The following KYAT1 variants were observed in gnomAD, a reference collection of about 807,000 sequenced individuals.
The protein encoded by KYAT1 is kynurenine aminotransferase 1.
KYAT1 carries 47 observed loss-of-function variants against 52.4 expected under a neutral mutation model. The observed-to-expected ratio is 0.90, with a 90% CI of 0.71 to 1.14. KYAT1 has a LOEUF of 1.14. KYAT1 is among the 50% of genes most tolerant of loss of function. The pLI, the probability that KYAT1 is intolerant of heterozygous loss-of-function variation, is 0.00. For synonymous variants in KYAT1, 212 were observed against 209.6 expected (o/e 1.01, Z -0.10); for missense variants, 480 against 557.9 (o/e 0.86, Z 1.41).
chr9:128,835,814 G>T lies in KYAT1; in HGVS notation c.820C>A (p.Gln274Lys). The change falls in exon 9 of 13, where the codon CAG (glutamine) becomes AAG (lysine). Residue 274 changes from glutamine to lysine, a missense_variant. By Grantham distance (53) the Gln-to-Lys change is moderately conservative. Coordinates refer to ENST00000302586, the MANE Select transcript of KYAT1 (RefSeq NM_004059.5). Reference sequence around the variant, plus strand: ...GTGGGGCAGTGGAAGACGGAGTTCTGGTGCACGGTCCGCAGGTGCTTCATG... The same window carrying T: ...GTGGGGCAGTGGAAGACGGAGTTCTTGTGCACGGTCCGCAGGTGCTTCATG... Reference protein sequence around the residue: ...HIMKHLRTVHQNSVFHCPTQS... With the variant: ...HIMKHLRTVHKNSVFHCPTQS... 1 of 1,613,828 alleles carries T rather than the reference G, an allele frequency of 6.2e-7. No homozygotes were observed. Among genetic ancestry groups the T allele is most frequent in the East Asian group, 2.2e-5 (1 of 44,864 alleles).
intron 1 of KYAT1, among the ~76,000 whole-genome samples, chr9:128,858,149 C>A (rs1211800991): frequency 6.6e-6 from 1 of 152,062 alleles, no homozygotes; most frequent in Non-Finnish European, 1.5e-5. Context: ...GTAATCCCAG[C>A]ACTTTGGGAG....
At position 128,833,625 on chromosome 9, in the gene KYAT1, C is replaced by T. The variant is rs765888880; in HGVS notation, c.1228G>A (p.Ala410Thr). Reference protein sequence around the residue: ...CFVKDEATLQAMDEKLRKWKV... With the variant: ...CFVKDEATLQTMDEKLRKWKV... ...CACTTCCGCAGCTTCTCGTCCATGG[C>T]CTGGAGCGTGGCTTCATCCTGCGCC... The change falls in exon 13 of 13, where the codon GCC becomes ACC. Residue 410 changes from alanine (A) to threonine (T), a missense_variant. Coordinates refer to ENST00000302586, the MANE Select transcript of KYAT1 (RefSeq NM_004059.5). 1.2e-5 allele frequency: 19 copies of T among 1,614,240 alleles called. No homozygotes were observed. Among genetic ancestry groups the T allele is most frequent in the Non-Finnish European group, 1.6e-5 (19 of 1,180,040 alleles).
chr9:128,842,327 A>G (rs1366949604), intron 3 of KYAT1: 7 of 226,974 alleles, frequency 3.1e-5, no homozygotes, highest in African/African-American at 4.6e-5. Flanking sequence ...ACTTGGTTTA[A>G]GTGTCACCTC....
intron 1 of KYAT1, among the ~76,000 whole-genome samples, chr9:128,868,832 A>G (rs1178197360): frequency 1.4e-5 from 2 of 147,664 alleles, no homozygotes; most frequent in African/African-American, 5.0e-5. Context: ...CAGCCTCCTG[A>G]GTAGCTGGGA....
intron 1 of KYAT1, among the ~76,000 whole-genome samples, chr9:128,867,280 A>C (rs1836532519): frequency 6.6e-6 from 1 of 152,108 alleles, no homozygotes; most frequent in South Asian, 2.1e-4. Context: ...CTGGGGCTCA[A>C]GCCATCCTCC....
intron 1 of KYAT1, among the ~76,000 whole-genome samples, chr9:128,865,340 T>C (rs1177936924): frequency 4.5e-4 from 1 of 2,214 alleles, no homozygotes; most frequent in African/African-American, 8.6e-4. Flanking sequence ...TATATATATA[T>C]ATATATATAT....
chr9:128,838,394 C>T, intron 3 of KYAT1, 27 bp from the exon 4 acceptor site: 2 of 1,613,648 alleles, frequency 1.2e-6, no homozygotes, highest in African/African-American at 2.7e-5. Flanking sequence ...GGTTAACTGT[C>T]CAGCTCAGCC....
At chr9:128,848,685 G>A (rs913156292) in intron 1 of KYAT1, among the ~76,000 whole-genome samples, 1 of 152,010 alleles carries the variant, frequency 6.6e-6, no homozygotes, top group African/African-American at 2.4e-5. Context: ...AGGCATGGTG[G>A]TGTGCACCTG....
rs200134110 is a variant in KYAT1, at chr9:128,875,255, T to TTG, written c.-7+6641_-7+6642insCA. On this transcript the variant is annotated intron_variant, in intron 1 of 12. Coordinates refer to ENST00000302586, the MANE Select transcript of KYAT1 (RefSeq NM_004059.5). ...TTCAATTTGTTTTTTTTTGTTTTTTTTTTTTTTTTGGTTTTTGTTTTTGAG... is the reference window on the plus strand; with the variant it reads ...TTCAATTTGTTTTTTTTTGTTTTTTTTGTTTTTTTTTGGTTTTTGTTTTTGAG... Among the ~76,000 whole-genome samples, 1,063 of 151,432 alleles carry TTG rather than the reference T, an allele frequency of 7.0e-3. 9 individuals are homozygous for TTG. The highest frequency in any genetic ancestry group is 0.018 in the African/African-American group (750 of 41,288).
intron 1 of KYAT1, among the ~76,000 whole-genome samples, chr9:128,879,479 G>C (rs1838506731): frequency 6.6e-6 from 1 of 152,136 alleles, no homozygotes. Context: ...CTACTCTTTG[G>C]AGCTTGGAGA....
At chr9:128,855,301 C>A (rs1834458744) in intron 1 of KYAT1, among the ~76,000 whole-genome samples, 2 of 152,154 alleles carry the variant, frequency 1.3e-5, no homozygotes, top group African/African-American at 4.8e-5. Context: ...AAAGGCTAGA[C>A]CAGGTTTATA....
chr9:128,875,234 ATTTGTTTTTT>A (rs1431819909), intron 1 of KYAT1, among the ~76,000 whole-genome samples: 5 of 128,304 alleles, frequency 3.9e-5, no homozygotes, highest in East Asian at 4.5e-4. Context: ...TTTATGTTCA[ATTTGTTTTTT>A]TTTGTTTTTT....
chr9:128,847,468 C>T (rs1398235228), intron 1 of KYAT1: 2 of 1,535,872 alleles, frequency 1.3e-6, no homozygotes, highest in Admixed American at 3.9e-5. Context: ...GGGGCTCCAG[C>T]CTTCCTTCCC....
chr9:128,846,975 G>A (rs1833201845), intron 1 of KYAT1: 1 of 905,344 alleles, frequency 1.1e-6, no homozygotes, highest in African/African-American at 1.7e-5. Context: ...TGAGGACACT[G>A]AGGCTTGAAG....
intron 1 of KYAT1, among the ~76,000 whole-genome samples, chr9:128,868,813 C>G (rs1377378597): frequency 6.7e-6 from 1 of 149,880 alleles, no homozygotes; most frequent in Non-Finnish European, 1.5e-5. Context: ...TCAAGCGATT[C>G]TCCTGCCTCA....
intron 1 of KYAT1, among the ~76,000 whole-genome samples, chr9:128,850,158 T>C (rs970839084): frequency 1.3e-5 from 2 of 152,002 alleles, no homozygotes; most frequent in Non-Finnish European, 2.9e-5. Context: ...AGTGTTAGGA[T>C]TGCAGGCATG....
chr9:128,856,445 G>C lies in KYAT1; in HGVS notation c.-6-11034C>G, dbSNP rs543972160. 1.3e-4 allele frequency among the ~76,000 whole-genome samples: 20 copies of C among 152,296 alleles called. No homozygotes were observed. In the East Asian group the frequency reaches 2.5e-3, roughly 19 times the overall value. On this transcript the variant is annotated intron_variant, in intron 1 of 12. Transcript: ENST00000302586. ...ATGGCGGTTTTGTCAAAAAGAAAAG[G>C]GGGATATGTACGGCAAAGAAAGAGA...
At position 128,857,424 on chromosome 9, in the gene KYAT1, A is replaced by AT. The variant is rs558666963; in HGVS notation, c.-6-12014_-6-12013insA. Among the ~76,000 whole-genome samples, 5 of 152,286 alleles carry AT rather than the reference A, an allele frequency of 3.3e-5. No homozygotes were observed. The East Asian group carries it at 9.7e-4, about 29-fold the overall frequency. ...AGTCTCTCGTCCCACCTGATGAGAT[A>AT]CCCACAGGTGTGGAGGGACAGGCCA... is the stretch of plus-strand genomic sequence containing the variant. On this transcript the variant is annotated intron_variant, in intron 1 of 12. Coordinates refer to ENST00000302586, the MANE Select transcript of KYAT1 (RefSeq NM_004059.5).
chr9:128,845,788 C>T (rs536686301), intron 1 of KYAT1, among the ~76,000 whole-genome samples: 153 of 152,262 alleles, frequency 1.0e-3, no homozygotes, highest in African/African-American at 3.2e-3. Context: ...GTGGGTGGAG[C>T]GGAGAGGGAG....
Sources: gnomAD v4.1 joint callset for allele counts (sites outside exome capture counted in the v4.1 genomes callset) on GRCh38, gnomAD v4.1.1 for gene constraint, MANE v1.5 for transcripts, NCBI Gene and HGNC (gene_info 2026-07-23, HGNC 2026-07-21) for gene names.